HLCS: variants seen among roughly 807,000 people sequenced by gnomAD.
The protein encoded by HLCS is biotin--protein ligase.
Under a neutral mutation model 75.0 loss-of-function variants are expected in HLCS, and 53 were observed. The ratio of observed to expected loss-of-function variants is 0.71; its 90% CI spans 0.57 to 0.89. The LOEUF is 0.89. Among genes scored for constraint, HLCS ranks in the 40% least tolerant of loss-of-function variants. HLCS has a pLI of 0.00. For synonymous variants in HLCS, 431 were observed against 428.6 expected (o/e 1.01, Z -0.07); for missense variants, 966 against 1,074.0 (o/e 0.90, Z 1.41).
At chr21:36,930,600 C>T (rs2066596372) in intron 4 of HLCS, among the ~76,000 whole-genome samples, 167 bp from the exon 5 acceptor site, 1 of 151,996 alleles carries the variant, frequency 6.6e-6, no homozygotes, top group South Asian at 2.1e-4. Context: ...CCACCTCAGC[C>T]TCCCAAAGTG....
intron 6 of HLCS, among the ~76,000 whole-genome samples, chr21:36,823,798 G>C (rs1442983018): frequency 6.6e-6 from 1 of 152,084 alleles, no homozygotes; most frequent in Non-Finnish European, 1.5e-5. Flanking sequence ...CTCTGCATTA[G>C]AGCTACATGG....
In HLCS at chr21:36,843,501, TA is replaced by T. The variant is rs1179043359; in HGVS notation, c.1892+53358del. On this transcript the variant is annotated intron_variant, in intron 6 of 10. Coordinates refer to ENST00000674895, the MANE Select transcript of HLCS (RefSeq NM_001352514.2). Reference sequence around the variant, plus strand: ...GAAAAAGAAGTATCTGTTGAGATATTAAAGATACATCTTTTAAGAAACTACA... The same window carrying T: ...GAAAAAGAAGTATCTGTTGAGATATTAAGATACATCTTTTAAGAAACTACA... Among the ~76,000 whole-genome samples the T allele has an allele frequency of 3.4e-5, 5 of 147,418 alleles. No individual in the cohort carries two copies. The East Asian group carries it at 1.0e-3, about 30-fold the overall frequency.
At position 36,754,187 on chromosome 21, in the gene HLCS, A is replaced by T; in HGVS notation, c.*59T>A. On this transcript the variant is annotated 3_prime_UTR_variant, in exon 11 of 11. Coordinates refer to ENST00000674895, the MANE Select transcript of HLCS (RefSeq NM_001352514.2). ...AAAAGAAAATTCACCTACAACTCTA[A>T]ATTAGATTTCCAGATGCATGGGCAC... The T allele has an allele frequency of 6.5e-7, 1 of 1,540,216 alleles. No individual in the cohort carries two copies. Among genetic ancestry groups the T allele is most frequent in the Non-Finnish European group, 8.9e-7 (1 of 1,117,748 alleles).
intron 2 of HLCS, among the ~76,000 whole-genome samples, chr21:36,956,252 G>T (rs529774384): frequency 1.2e-4 from 19 of 152,212 alleles, no homozygotes; most frequent in African/African-American, 2.9e-4. Flanking sequence ...ATGGACTCAG[G>T]GGGTGGGGAG....
chr21:36,960,661 C>T (rs971946272), intron 2 of HLCS, among the ~76,000 whole-genome samples: 17 of 152,224 alleles, frequency 1.1e-4, no homozygotes, highest in African/African-American at 3.6e-4. Flanking sequence ...AATACAGCAT[C>T]TTACAGATAA....
chr21:36,983,095 G>A (rs1323621659), intron 1 of HLCS, among the ~76,000 whole-genome samples: 2 of 152,126 alleles, frequency 1.3e-5, no homozygotes, highest in African/African-American at 4.8e-5. Flanking sequence ...GAGAGTGTCT[G>A]CAGTGATATG....
intron 6 of HLCS, among the ~76,000 whole-genome samples, chr21:36,798,744 G>A (rs1175958708): frequency 1.3e-5 from 2 of 152,144 alleles, no homozygotes; most frequent in Admixed American, 6.5e-5. Flanking sequence ...CATGTGAAGT[G>A]GTATCTTATC....
intron 6 of HLCS, among the ~76,000 whole-genome samples, chr21:36,822,777 G>T (rs932857700): frequency 1.3e-5 from 2 of 152,124 alleles, no homozygotes; most frequent in African/African-American, 4.8e-5. Flanking sequence ...AATTATCCAT[G>T]CATGGAAAAA....
intron 6 of HLCS, among the ~76,000 whole-genome samples, chr21:36,834,849 T>C (rs78341590): frequency 0.036 from 5,548 of 152,282 alleles, 153 homozygotes; most frequent in African/African-American, 0.075. Flanking sequence ...CCACCACACC[T>C]GGCCCCAGCA....
At chr21:36,896,020 T>C (rs979998054) in intron 6 of HLCS, among the ~76,000 whole-genome samples, 3 of 152,152 alleles carry the variant, frequency 2.0e-5, no homozygotes, top group East Asian at 1.9e-4. Context: ...TAAGAGTAAA[T>C]TTCTAATATC....
intron 5 of HLCS, among the ~76,000 whole-genome samples, chr21:36,923,519 C>T (rs1296478034): frequency 1.3e-5 from 2 of 152,170 alleles, no homozygotes; most frequent in Admixed American, 6.5e-5. Context: ...CAGCAAAGAC[C>T]GCAACGCACA....
intron 1 of HLCS, among the ~76,000 whole-genome samples, chr21:36,981,744 C>A (rs2069126211): frequency 1.3e-5 from 2 of 152,052 alleles, no homozygotes; most frequent in African/African-American, 2.4e-5. Context: ...CTCCTGCTAC[C>A]CTAAGGATGG....
chr21:36,974,510 AAGT>A (rs1439766316), intron 1 of HLCS: 1 of 152,200 alleles, frequency 6.6e-6, no homozygotes, highest in Non-Finnish European at 1.5e-5. Context: ...TCTAATGTTG[AAGT>A]TCTAACCCCC....
chr21:36,817,878 C>T (rs536944308), intron 6 of HLCS, among the ~76,000 whole-genome samples: 2 of 152,306 alleles, frequency 1.3e-5, no homozygotes, highest in African/African-American at 4.8e-5. Context: ...TTGATGTATT[C>T]TGCGAGATGT....
intron 6 of HLCS, among the ~76,000 whole-genome samples, chr21:36,860,399 C>T (rs1385409489): frequency 2.0e-5 from 3 of 152,130 alleles, no homozygotes; most frequent in African/African-American, 7.2e-5. Context: ...CAGGCTAATT[C>T]CCCAAACTAG....
intron 6 of HLCS, among the ~76,000 whole-genome samples, chr21:36,880,383 C>T (rs548641406): frequency 1.1e-4 from 17 of 151,884 alleles, no homozygotes; most frequent in Non-Finnish European, 2.4e-4. Context: ...AGCTAAAAAA[C>T]AAAACAAAAC....
At chr21:36,896,698 C>G in intron 6 of HLCS, 162 bp downstream of exon 6, 1 of 755,438 alleles carries the variant, frequency 1.3e-6, no homozygotes, top group Non-Finnish European at 2.1e-6. Context: ...AATTTCCTTT[C>G]CCACGATTTA....
At position 36,806,530 on chromosome 21, in the gene HLCS, CA is replaced by C. The variant is rs35778622; in HGVS notation, c.1893-39246del. Among the ~76,000 whole-genome samples, 3 of 151,970 alleles carry C rather than the reference CA, an allele frequency of 2.0e-5. No homozygotes were observed. The East Asian group carries it at 5.8e-4, about 29-fold the overall frequency. ...AGTGTGCTATCTTTTGACCGCACAG[CA>C]AAAAAGTGGTTGCCGGGCTAGAAGC... On this transcript the variant is annotated intron_variant, in intron 6 of 10. Coordinates refer to ENST00000674895, the MANE Select transcript of HLCS (RefSeq NM_001352514.2).
intron 6 of HLCS, among the ~76,000 whole-genome samples, chr21:36,877,189 C>A (rs1601598076): frequency 6.6e-6 from 1 of 152,160 alleles, no homozygotes; most frequent in Non-Finnish European, 1.5e-5. Flanking sequence ...TTTAAAAAAT[C>A]CATTCTAACA....
Sources: allele counts gnomAD v4.1 joint callset (sites outside exome capture counted in the v4.1 genomes callset), GRCh38; gene constraint gnomAD v4.1.1; transcripts MANE v1.5; gene names NCBI Gene and HGNC (gene_info 2026-07-23, HGNC 2026-07-21).